The following PRELID2 variants were observed in gnomAD, a reference collection of about 807,000 sequenced individuals.
PRELID2 encodes the protein PRELI domain-containing protein 2.
A neutral mutation model predicts 28.4 loss-of-function variants in PRELID2; 25 were observed. That is an observed-to-expected ratio of 0.88 (90% CI 0.64 to 1.23). The LOEUF (loss-of-function observed/expected upper bound fraction) is 1.23, where lower values mean the gene tolerates loss of function less well. Ranked by LOEUF, PRELID2 falls within the 50% of genes most tolerant of loss-of-function variation. The pLI is 0.00. For missense variants in PRELID2, 201 were observed against 214.4 expected, an observed-to-expected ratio of 0.94 and a Z score of 0.39; for synonymous variants, 76 against 71.6, an observed-to-expected ratio of 1.06 and a Z score of -0.31.
At chr5:145,449,505 T>A in the PRELID2 span, among the ~76,000 whole-genome samples, 1 of 152,128 alleles carries the variant, frequency 6.6e-6, no homozygotes, top group African/African-American at 2.4e-5. Context: ...CATCAGCTCA[T>A]GGAGCCTGGA....
intron 1 of PRELID2, among the ~76,000 whole-genome samples, chr5:145,488,155 C>T (rs1011435332): frequency 7.0e-6 from 1 of 143,068 alleles, no homozygotes; most frequent in Non-Finnish European, 1.5e-5. Flanking sequence ...ATTGGAAAAA[C>T]AAAACTAAAC....
At chr5:145,796,304 T>C in intron 5 of PRELID2, 138 bp downstream of exon 5, 1 of 461,412 alleles carries the variant, frequency 2.2e-6, no homozygotes, top group Non-Finnish European at 3.8e-6. Flanking sequence ...ATTTTGAGGT[T>C]GATTATTTTT....
chr5:145,446,929 A>T, the PRELID2 span, among the ~76,000 whole-genome samples: 5 of 151,838 alleles, frequency 3.3e-5, no homozygotes, highest in African/African-American at 1.2e-4. Flanking sequence ...GCCTGTAGTA[A>T]TCCCAGCTAC....
intron 2 of PRELID2, among the ~76,000 whole-genome samples, chr5:145,472,428 G>C (rs908216636): frequency 2.0e-5 from 3 of 152,144 alleles, no homozygotes; most frequent in Non-Finnish European, 4.4e-5. Flanking sequence ...TAGTTTATCA[G>C]TTGGTATGTG....
chr5:145,252,917 T>C, the PRELID2 span, among the ~76,000 whole-genome samples: 1 of 152,128 alleles, frequency 6.6e-6, no homozygotes, highest in Non-Finnish European at 1.5e-5. Context: ...AAATGATACA[T>C]TTTATGTTAG....
chr5:145,733,623 A>G (rs2149728800), intron 1 of PRELID2, among the ~76,000 whole-genome samples: 1 of 152,320 alleles, frequency 6.6e-6, no homozygotes, highest in East Asian at 1.9e-4. Context: ...GATTTTCACA[A>G]GTGTCCTAAA....
At chr5:145,492,576 T>C (rs1191873333) in intron 1 of PRELID2, among the ~76,000 whole-genome samples, 1 of 141,780 alleles carries the variant, frequency 7.1e-6, no homozygotes, top group Non-Finnish European at 1.6e-5. Context: ...TGAGGTTATA[T>C]CCAAAAATTC....
rs948922624 is a variant in PRELID2, at chr5:145,533,382, C to A, written n.71-60067G>T. 4.6e-5 allele frequency among the ~76,000 whole-genome samples: 7 copies of A among 151,924 alleles called. No homozygotes were observed. In the South Asian group the frequency reaches 8.3e-4, roughly 18 times the overall value. On this transcript the variant is annotated intron_variant and non_coding_transcript_variant, in intron 1 of 2. Coordinates refer to the PRELID2 transcript ENST00000510259. ...TATCTTGAACTCAAATGAAAGAACC[C>A]CACATAATAATTGGGATAGCATGAA...
intron 1 of PRELID2, among the ~76,000 whole-genome samples, chr5:145,736,612 T>C (rs1443560960): frequency 1.3e-5 from 2 of 152,206 alleles, no homozygotes; most frequent in African/African-American, 4.8e-5. Context: ...TTTAAAATTT[T>C]TCATCTTCCA....
intron 1 of PRELID2, among the ~76,000 whole-genome samples, chr5:145,488,690 T>C (rs1305952113): frequency 1.3e-5 from 2 of 152,308 alleles, no homozygotes; most frequent in Non-Finnish European, 1.5e-5. Context: ...ATCTGCTTGG[T>C]GGGTTTAGCA....
chr5:145,287,671 T>C, the PRELID2 span, among the ~76,000 whole-genome samples: 1 of 152,196 alleles, frequency 6.6e-6, no homozygotes, highest in Non-Finnish European at 1.5e-5. Flanking sequence ...TTACACCAGA[T>C]TTTCCTTATT....
intron 1 of PRELID2, among the ~76,000 whole-genome samples, chr5:145,510,886 A>G (rs1752455006): frequency 6.6e-6 from 1 of 152,188 alleles, no homozygotes; most frequent in South Asian, 2.1e-4. Flanking sequence ...CTGTTCCCTC[A>G]TGCTCAGCCT....
At chr5:145,797,171 A>C (rs1752817643) in intron 4 of PRELID2, among the ~76,000 whole-genome samples, 1 of 152,146 alleles carries the variant, frequency 6.6e-6, no homozygotes, top group African/African-American at 2.4e-5. Context: ...GATTACACTT[A>C]AGAGTGATAG....
At chr5:145,385,579 G>T in the PRELID2 span, among the ~76,000 whole-genome samples, 1 of 152,070 alleles carries the variant, frequency 6.6e-6, no homozygotes, top group African/African-American at 2.4e-5. Flanking sequence ...TCAAATTTTT[G>T]CAACTCATAC....
the PRELID2 span, among the ~76,000 whole-genome samples, chr5:145,350,379 A>G: frequency 1.3e-5 from 2 of 152,160 alleles, no homozygotes; most frequent in East Asian, 3.9e-4. Flanking sequence ...CAGGTAAGAG[A>G]CAAGAAAGGC....
chr5:145,667,125 A>T (rs747206152), intron 1 of PRELID2, among the ~76,000 whole-genome samples: 2 of 152,126 alleles, frequency 1.3e-5, no homozygotes, highest in African/African-American at 4.8e-5. Flanking sequence ...CAATACGCAG[A>T]GAAAAATCCT....
chr5:145,242,498 G>C, the PRELID2 span, among the ~76,000 whole-genome samples: 8,634 of 152,024 alleles, frequency 0.057, 442 homozygotes, highest in African/African-American at 0.14. Context: ...GTCTGTCCAA[G>C]GTTATCCGGA....
At chr5:145,459,873 G>C in the PRELID2 span, among the ~76,000 whole-genome samples, 1 of 149,668 alleles carries the variant, frequency 6.7e-6, no homozygotes. Context: ...GCAGTGATGC[G>C]ATCTTGGCTC....
At chr5:145,489,206 T>C (rs1248404388) in intron 1 of PRELID2, among the ~76,000 whole-genome samples, 3 of 152,164 alleles carry the variant, frequency 2.0e-5, no homozygotes, top group Non-Finnish European at 4.4e-5. Flanking sequence ...ATAAATTCCT[T>C]TTGGCTTTAA....
Sources: gnomAD v4.1 joint callset for allele counts (sites outside exome capture counted in the v4.1 genomes callset) on GRCh38, gnomAD v4.1.1 for gene constraint, MANE v1.5 for transcripts, NCBI Gene and HGNC (gene_info 2026-07-23, HGNC 2026-07-21) for gene names.